PIWIL3: variants seen among roughly 807,000 people sequenced by gnomAD.
PIWIL3 encodes the protein piwi-like protein 3.
In PIWIL3, 101 loss-of-function variants were observed where a neutral mutation model predicts 109.7. The observed-to-expected ratio is 0.92, with a 90% confidence interval of 0.78 to 1.09. The LOEUF (loss-of-function observed/expected upper bound fraction) is 1.09. PIWIL3 is among the 50% of genes least tolerant of loss of function. The pLI, the probability that PIWIL3 is intolerant of heterozygous loss-of-function variation, is 0.00. For missense variants in PIWIL3, 1,031 were observed against 1,072.6 expected, an observed-to-expected ratio of 0.96 and a Z score of 0.54; for synonymous variants, 373 against 376.4, an observed-to-expected ratio of 0.99 and a Z score of 0.10.
intron 13 of PIWIL3, among the ~76,000 whole-genome samples, chr22:24,734,868 G>T (rs1252554323): frequency 3.4e-5 from 5 of 148,434 alleles, no homozygotes; most frequent in Non-Finnish European, 4.4e-5. Flanking sequence ...CAACGTTTAG[G>T]TTCAGGGGTA....
chr22:24,725,789 G>A (rs4315630), intron 16 of PIWIL3, among the ~76,000 whole-genome samples: 30 of 152,090 alleles, frequency 2.0e-4, no homozygotes, highest in African/African-American at 6.0e-4. Flanking sequence ...CTGCAGTTTC[G>A]CCTATGGGGG....
chr22:24,741,824 C>G (rs932471678), intron 12 of PIWIL3, among the ~76,000 whole-genome samples: 2 of 149,902 alleles, frequency 1.3e-5, no homozygotes, highest in Admixed American at 6.7e-5. Flanking sequence ...AGCATTCCCC[C>G]CCAAGAACTG....
At chr22:24,736,874 A>AT (rs1923688627) in intron 12 of PIWIL3, among the ~76,000 whole-genome samples, 1 of 152,220 alleles carries the variant, frequency 6.6e-6, no homozygotes, top group Non-Finnish European at 1.5e-5. Context: ...TAGGGGGAAC[A>AT]TTTGATTCTG....
intron 4 of PIWIL3, among the ~76,000 whole-genome samples, chr22:24,757,659 TACACAC>T (rs57298578): frequency 0.063 from 6,913 of 109,376 alleles, 300 homozygotes; most frequent in East Asian, 0.13. Flanking sequence ...ATGTATATAT[TACACAC>T]ACACACACAC....
intron 12 of PIWIL3, among the ~76,000 whole-genome samples, chr22:24,746,162 A>G (rs1410612533): frequency 6.6e-6 from 1 of 152,198 alleles, no homozygotes; most frequent in Non-Finnish European, 1.5e-5. Flanking sequence ...AATATCTCCA[A>G]TGAACACTGA....
chr22:24,735,025 A>G (rs1294101610), intron 13 of PIWIL3, among the ~76,000 whole-genome samples: 2 of 151,908 alleles, frequency 1.3e-5, no homozygotes, highest in African/African-American at 4.8e-5. Context: ...AAAAGGCAAA[A>G]CCATGGAGAC....
intron 14 of PIWIL3, among the ~76,000 whole-genome samples, chr22:24,730,681 A>G (rs1484121429): frequency 1.3e-5 from 2 of 152,206 alleles, no homozygotes; most frequent in Non-Finnish European, 2.9e-5. Context: ...TAAGATTAAA[A>G]GGAATAAAGT....
intron 14 of PIWIL3, 66 bp from the exon 15 acceptor site, chr22:24,728,440 T>C: frequency 6.3e-7 from 1 of 1,594,822 alleles, no homozygotes; most frequent in Non-Finnish European, 8.6e-7. Context: ...AGAAAAACCA[T>C]CTGGAGCAGG....
chr22:24,728,095 G>A (rs1281309583), intron 15 of PIWIL3, 42 bp from the exon 16 acceptor site: 2 of 1,607,128 alleles, frequency 1.2e-6, no homozygotes, highest in Admixed American at 1.7e-5. Context: ...TAGAACGTGA[G>A]CAAAATTTAA....
chr22:24,756,003 A>G, intron 5 of PIWIL3, 98 bp from the exon 6 acceptor site: 1 of 1,325,444 alleles, frequency 7.5e-7, no homozygotes, highest in Non-Finnish European at 1.0e-6. Flanking sequence ...GCTATCCAAC[A>G]CACCATCGTG....
At position 24,756,585 on chromosome 22, in the gene PIWIL3, C is replaced by T. The variant is rs148983752; in HGVS notation, c.476G>A (p.Arg159His). 2.9e-5 allele frequency: 46 copies of T among 1,613,844 alleles called. No individual in the cohort carries two copies. Among genetic ancestry groups the T allele is most frequent in the East Asian group, 4.5e-5 (2 of 44,894 alleles). The change falls in exon 5 of 21, where the codon CGT becomes CAT. Residue 159 changes from arginine to histidine, a missense_variant. Physicochemically the swap from Arg to His is conservative, Grantham distance 29 (BLOSUM62 0). Coordinates refer to ENST00000616349, the MANE Select transcript of PIWIL3 (RefSeq NM_001255975.1). ...TCTATGTTGATCAAGTAAAATTGTA[C>T]GGAGATTTCCATCTTCTATGTCTGG... Reference protein sequence around the residue: ...YKPDIEDGNLRTILLDQHRRK... With the variant: ...YKPDIEDGNLHTILLDQHRRK...
At position 24,724,955 on chromosome 22, in the gene PIWIL3, C is replaced by T. The variant is rs977967986; in HGVS notation, c.2163G>A (p.Gln721=). ...IVYRDGVGDG[Q]LQALLDHEAK... is the part of the protein sequence containing the mutation. ...CTTCATGGTCAAGCAATGCTTGAAG[C>T]TGACCATCTCCCACTCCATCCCGAT... is the stretch of plus-strand genomic sequence containing the variant. Residue 721 remains glutamine (Q), a synonymous_variant, in exon 18 of 21, where the codon CAG becomes CAA. Coordinates refer to ENST00000616349, the MANE Select transcript of PIWIL3 (RefSeq NM_001255975.1). The T allele has an allele frequency of 2.5e-6, 4 of 1,614,158 alleles. No individual in the cohort carries two copies. Among genetic ancestry groups the T allele is most frequent in the Non-Finnish European group, 3.4e-6 (4 of 1,180,002 alleles).
chr22:24,757,079 C>CAAAAAAAAAAAA (rs71189275), intron 4 of PIWIL3, among the ~76,000 whole-genome samples: 25 of 91,718 alleles, frequency 2.7e-4, no homozygotes, highest in Middle Eastern at 6.0e-3. Flanking sequence ...AACTCCGTCT[C>CAAAAAAAAAAAA]AAAAAAAAAA....
At chr22:24,773,842 G>A (rs1314966597) in intron 1 of PIWIL3, among the ~76,000 whole-genome samples, 1 of 151,022 alleles carries the variant, frequency 6.6e-6, no homozygotes, top group Non-Finnish European at 1.5e-5. Context: ...AGCCTCCCAA[G>A]TAGCTGGGAC....
chr22:24,735,998 A>G (rs1241782940), intron 12 of PIWIL3, 106 bp from the exon 13 acceptor site: 5 of 951,732 alleles, frequency 5.3e-6, no homozygotes, highest in Non-Finnish European at 7.6e-6. Flanking sequence ...AAATGTTACA[A>G]TTATAAACTT....
At position 24,759,858 on chromosome 22, in the gene PIWIL3, C is replaced by T. The variant is rs774398582; in HGVS notation, c.223+11G>A. On this transcript the variant is annotated intron_variant, in intron 3 of 20. Transcript: ENST00000616349. ...TCCCCTGCCCCTCATGTCCTTCTTG[C>T]TTCCTTTCACCTTGAGACTGTGCTC... 15 of 1,613,916 alleles carry T rather than the reference C, an allele frequency of 9.3e-6. No individual in the cohort carries two copies. The highest frequency in any genetic ancestry group is 1.3e-5 in the Non-Finnish European group (15 of 1,179,938).
In PIWIL3 at chr22:24,749,399, C is replaced by CTT. The variant is rs1306420053; in HGVS notation, c.1334+3_1334+4dup. ...CACACACTCAGCCAGAAAAGCAGCACTTACTCTTGTAGAGTATTGATGAAT... is the reference window on the plus strand; with the variant it reads ...CACACACTCAGCCAGAAAAGCAGCACTTTTACTCTTGTAGAGTATTGATGAAT... On this transcript the variant is annotated splice_donor_region_variant and intron_variant, in intron 11 of 20. Transcript: ENST00000616349. 2 of 1,613,546 alleles carry CTT rather than the reference C, an allele frequency of 1.2e-6. No individual in the cohort carries two copies. Among genetic ancestry groups the CTT allele is most frequent in the African/African-American group, 2.7e-5 (2 of 74,904 alleles).
intron 18 of PIWIL3, 149 bp downstream of exon 18, chr22:24,724,738 A>AT: frequency 1.1e-6 from 1 of 917,262 alleles, no homozygotes; most frequent in South Asian, 1.9e-5. Flanking sequence ...CACCCGGCCA[A>AT]TTTTTTCATT....
intron 5 of PIWIL3, 118 bp downstream of exon 5, chr22:24,756,373 G>C: frequency 1.0e-6 from 1 of 954,736 alleles, no homozygotes; most frequent in South Asian, 1.7e-5. Flanking sequence ...AAGTCATATG[G>C]GCAAGAGAGC....
Sources: gnomAD v4.1 joint callset for allele counts (sites outside exome capture counted in the v4.1 genomes callset) on GRCh38, gnomAD v4.1.1 for gene constraint, MANE v1.5 for transcripts, NCBI Gene and HGNC (gene_info 2026-07-23, HGNC 2026-07-21) for gene names.